Variants in RNGTT observed in about 807,000 individuals in gnomAD.
RNGTT encodes RNA guanylyltransferase and 5'-phosphatase.
Under a neutral mutation model 79.3 loss-of-function variants are expected in RNGTT, and 33 were observed. The observed-to-expected ratio is 0.42, with a 90% CI of 0.32 to 0.56. The LOEUF (loss-of-function observed/expected upper bound fraction) is 0.56, where lower values mean the gene tolerates loss of function less well. Ranked by LOEUF, RNGTT falls within the 20% of genes least tolerant of loss-of-function variation. The pLI is 0.17. For missense variants in RNGTT, 497 were observed against 739.1 expected, an observed-to-expected ratio of 0.67 and a Z score of 3.80; for synonymous variants, 222 against 235.9, an observed-to-expected ratio of 0.94 and a Z score of 0.54.
At chr6:88,687,287 T>C (rs1369885358) in intron 13 of RNGTT, among the ~76,000 whole-genome samples, 2 of 152,128 alleles carry the variant, frequency 1.3e-5, no homozygotes, top group South Asian at 4.1e-4. Flanking sequence ...GGACCACACA[T>C]TCTGCTGGCC....
chr6:88,614,530 A>G, intron 14 of RNGTT, 135 bp from the exon 15 acceptor site: 1 of 781,894 alleles, frequency 1.3e-6, no homozygotes, highest in Non-Finnish European at 2.1e-6. Context: ...TGTCATCTGA[A>G]GTATCTAATC....
chr6:88,950,584 C>T (rs1047836205), intron 1 of RNGTT, among the ~76,000 whole-genome samples: 1 of 152,154 alleles, frequency 6.6e-6, no homozygotes, highest in African/African-American at 2.4e-5. Context: ...TTATAACCCT[C>T]ATGGATGACT....
intron 6 of RNGTT, among the ~76,000 whole-genome samples, chr6:88,898,819 C>A (rs1783344317): frequency 1.4e-5 from 2 of 147,568 alleles, no homozygotes; most frequent in South Asian, 2.1e-4. Context: ...AATATTTTGC[C>A]TTTTAACTCT....
At chr6:88,931,311 G>C (rs996876062) in intron 2 of RNGTT, among the ~76,000 whole-genome samples, 7 of 151,922 alleles carry the variant, frequency 4.6e-5, no homozygotes, top group African/African-American at 1.7e-4. Context: ...GCTACCTTGA[G>C]TGTGCAGGGG....
intron 14 of RNGTT, among the ~76,000 whole-genome samples, chr6:88,622,785 A>G (rs1772485159): frequency 6.6e-6 from 1 of 152,106 alleles, no homozygotes; most frequent in South Asian, 2.1e-4. Flanking sequence ...CTCTAGAACC[A>G]TCATTCCTCC....
chr6:88,824,340 A>G (rs1780587006), intron 11 of RNGTT, among the ~76,000 whole-genome samples: 1 of 152,176 alleles, frequency 6.6e-6, no homozygotes, highest in Non-Finnish European at 1.5e-5. Flanking sequence ...ACTCTAACAC[A>G]CTGGTAAGTA....
At chr6:88,653,337 A>G (rs981018143) in intron 14 of RNGTT, among the ~76,000 whole-genome samples, 4 of 152,224 alleles carry the variant, frequency 2.6e-5, no homozygotes, top group African/African-American at 9.6e-5. Flanking sequence ...ATAGTGGTAT[A>G]ATGTTTTAAA....
chr6:88,805,117 T>C (rs1318356287), intron 11 of RNGTT, among the ~76,000 whole-genome samples: 1 of 152,206 alleles, frequency 6.6e-6, no homozygotes, highest in Non-Finnish European at 1.5e-5. Flanking sequence ...ATAATAACTT[T>C]TGTTATGGCC....
chr6:88,863,282 G>A (rs549400623), intron 8 of RNGTT, among the ~76,000 whole-genome samples: 1 of 152,296 alleles, frequency 6.6e-6, no homozygotes, highest in East Asian at 1.9e-4. Context: ...ACATTTAAAT[G>A]TCTTCTACAT....
intron 4 of RNGTT, among the ~76,000 whole-genome samples, chr6:88,927,608 G>A (rs1250549088): frequency 2.0e-5 from 3 of 151,552 alleles, no homozygotes; most frequent in Non-Finnish European, 4.4e-5. Flanking sequence ...GTTGCAGTGA[G>A]CTGACAGTGT....
chr6:88,748,126 T>C (rs768520205), intron 13 of RNGTT, among the ~76,000 whole-genome samples: 3 of 152,154 alleles, frequency 2.0e-5, no homozygotes, highest in Non-Finnish European at 2.9e-5. Context: ...CAATGAACTC[T>C]TTCCTGACCC....
chr6:88,820,375 A>G (rs1780458905), intron 11 of RNGTT, among the ~76,000 whole-genome samples: 1 of 152,218 alleles, frequency 6.6e-6, no homozygotes. Context: ...CATTAATGTC[A>G]GAACAGGACA....
At chr6:88,873,916 T>G (rs911563336) in intron 8 of RNGTT, among the ~76,000 whole-genome samples, 4 of 152,142 alleles carry the variant, frequency 2.6e-5, no homozygotes, top group Non-Finnish European at 5.9e-5. Flanking sequence ...ATTAAGAGAA[T>G]TTGAAAAGCT....
intron 14 of RNGTT, among the ~76,000 whole-genome samples, chr6:88,658,214 C>A (rs1774053235): frequency 6.6e-6 from 1 of 152,198 alleles, no homozygotes; most frequent in Admixed American, 6.5e-5. Flanking sequence ...CTAATTCCAC[C>A]ACCTGCAACA....
chr6:88,957,541 G>C (rs954402487), intron 1 of RNGTT, among the ~76,000 whole-genome samples: 1 of 152,098 alleles, frequency 6.6e-6, no homozygotes, highest in African/African-American at 2.4e-5. Flanking sequence ...CAAAATCAAC[G>C]TACACAAATC....
intron 1 of RNGTT, among the ~76,000 whole-genome samples, chr6:88,960,017 G>A (rs934324990): frequency 4.6e-5 from 7 of 152,086 alleles, no homozygotes; most frequent in African/African-American, 1.7e-4. Context: ...GACCTTCTCT[G>A]GGAAGTCTCA....
intron 6 of RNGTT, among the ~76,000 whole-genome samples, chr6:88,904,426 A>T (rs943509164): frequency 6.6e-6 from 1 of 152,092 alleles, no homozygotes; most frequent in Non-Finnish European, 1.5e-5. Flanking sequence ...TGTAAAAATT[A>T]AAAATTAGCC....
intron 4 of RNGTT, among the ~76,000 whole-genome samples, chr6:88,912,654 G>GA (rs1033588137): frequency 2.7e-5 from 4 of 149,598 alleles, no homozygotes; most frequent in Non-Finnish European, 4.5e-5. Context: ...GATTAACAAA[G>GA]AAAAAAAAAG....
At chr6:88,672,250 C>T (rs1774677273) in intron 14 of RNGTT, among the ~76,000 whole-genome samples, 1 of 143,138 alleles carries the variant, frequency 7.0e-6, no homozygotes, top group East Asian at 1.9e-4. Context: ...CACACACACA[C>T]ATATATACAC....
Sources: gnomAD v4.1 joint callset for allele counts (sites outside exome capture counted in the v4.1 genomes callset) on GRCh38, gnomAD v4.1.1 for gene constraint, MANE v1.5 for transcripts, NCBI Gene and HGNC (gene_info 2026-07-23, HGNC 2026-07-21) for gene names.